Variants in KCNK10 observed in about 807,000 individuals in gnomAD.
The protein encoded by KCNK10 is potassium channel subfamily K member 10.
A neutral mutation model predicts 47.7 loss-of-function variants in KCNK10; 25 were observed. The ratio of observed to expected loss-of-function variants is 0.52; its 90% CI spans 0.38 to 0.73. KCNK10 has a LOEUF of 0.73. KCNK10 is among the 30% of genes least tolerant of loss of function. The probability of loss-of-function intolerance (pLI) is 0.00; values close to 1 mark genes in which losing one functional copy is unlikely to be tolerated. For synonymous variants in KCNK10, 303 were observed against 285.6 expected, an observed-to-expected ratio of 1.06 and a Z score of -0.61; for missense variants, 563 against 714.5, an observed-to-expected ratio of 0.79 and a Z score of 2.42.
At chr14:88,205,015 C>T (rs1885222850) in intron 4 of KCNK10, among the ~76,000 whole-genome samples, 1 of 152,202 alleles carries the variant, frequency 6.6e-6, no homozygotes. Context: ...TTTCCCTAGC[C>T]TAAAAATCCT....
chr14:88,261,628 C>T (rs1335860463), intron 2 of KCNK10, among the ~76,000 whole-genome samples: 1 of 152,002 alleles, frequency 6.6e-6, no homozygotes, highest in African/African-American at 2.4e-5. Context: ...GTGGCACATG[C>T]CTGTAGTCCC....
chr14:88,195,853 A>T (rs1453539524), intron 4 of KCNK10, among the ~76,000 whole-genome samples: 1 of 152,146 alleles, frequency 6.6e-6, no homozygotes, highest in African/African-American at 2.4e-5. Context: ...TCCCTGCCAC[A>T]TCCCCCTGCC....
chr14:88,326,850 A>AC (rs919381627), upstream of KCNK10: 1 of 209,894 alleles, frequency 4.8e-6, no homozygotes, highest in African/African-American at 2.4e-5. Flanking sequence ...TGGCTCCCTT[A>AC]CCCCCTCCCC....
chr14:88,227,001 G>C (rs1886007521), intron 4 of KCNK10, among the ~76,000 whole-genome samples: 1 of 152,132 alleles, frequency 6.6e-6, no homozygotes, highest in South Asian at 2.1e-4. Context: ...ACGGAGTAAG[G>C]GAGTTCCAAC....
chr14:88,266,191 G>C (rs1474430947), intron 1 of KCNK10, among the ~76,000 whole-genome samples: 1 of 152,186 alleles, frequency 6.6e-6, no homozygotes, highest in African/African-American at 2.4e-5. Flanking sequence ...AGTGAATAAA[G>C]GGTGGAAGGA....
chr14:88,243,305 A>C (rs963630825), intron 2 of KCNK10, among the ~76,000 whole-genome samples: 1 of 152,202 alleles, frequency 6.6e-6, no homozygotes, highest in East Asian at 1.9e-4. Context: ...AACTTGCAAG[A>C]AAGTAGTATT....
intron 5 of KCNK10, among the ~76,000 whole-genome samples, chr14:88,188,820 C>T (rs1884653598): frequency 6.6e-6 from 1 of 152,236 alleles, no homozygotes; most frequent in South Asian, 2.1e-4. Context: ...TGCCTGATTG[C>T]ATTGACTGGC....
chr14:88,271,986 T>C (rs1452680519), intron 1 of KCNK10, among the ~76,000 whole-genome samples: 1 of 149,966 alleles, frequency 6.7e-6, no homozygotes, highest in East Asian at 2.0e-4. Flanking sequence ...AGAACAAGGT[T>C]ATCAGGGTTA....
chr14:88,241,117 T>G (rs4904437), intron 2 of KCNK10, among the ~76,000 whole-genome samples: 95,130 of 152,192 alleles, frequency 0.63, 30,281 homozygotes, highest in East Asian at 0.76. Flanking sequence ...GTTACAAGTT[T>G]CTGTGCATAT....
chr14:88,210,456 G>A (rs1041979833), intron 4 of KCNK10, among the ~76,000 whole-genome samples: 2 of 152,246 alleles, frequency 1.3e-5, no homozygotes, highest in African/African-American at 4.8e-5. Context: ...AACAGCCACA[G>A]TGAAGAACAG....
At chr14:88,321,119 T>C (rs1360274099) in intron 1 of KCNK10, among the ~76,000 whole-genome samples, 1 of 152,216 alleles carries the variant, frequency 6.6e-6, no homozygotes, top group African/African-American at 2.4e-5. Flanking sequence ...GCAATACCTC[T>C]TCACTCACTC....
intron 1 of KCNK10, among the ~76,000 whole-genome samples, chr14:88,283,546 A>G (rs1301788955): frequency 6.6e-6 from 1 of 152,272 alleles, no homozygotes; most frequent in Non-Finnish European, 1.5e-5. Context: ...GGGTTTCAAA[A>G]GTTTACATTT....
At chr14:88,214,875 T>A (rs947041751) in intron 4 of KCNK10, among the ~76,000 whole-genome samples, 1 of 152,140 alleles carries the variant, frequency 6.6e-6, no homozygotes, top group Non-Finnish European at 1.5e-5. Flanking sequence ...TACTAAACCT[T>A]TTGTGAAGGC....
chr14:88,219,614 A>G (rs183691259), intron 4 of KCNK10, among the ~76,000 whole-genome samples: 2 of 152,310 alleles, frequency 1.3e-5, no homozygotes, highest in African/African-American at 2.4e-5. Flanking sequence ...ATTGACATCT[A>G]TGTGAGACGT....
At chr14:88,206,468 C>T (rs529341893) in intron 4 of KCNK10, among the ~76,000 whole-genome samples, 5 of 152,338 alleles carry the variant, frequency 3.3e-5, no homozygotes, top group African/African-American at 1.2e-4. Flanking sequence ...TGAAGACACA[C>T]ACACAAATTG....
chr14:88,225,824 C>A (rs190951329), intron 4 of KCNK10, among the ~76,000 whole-genome samples: 13 of 152,196 alleles, frequency 8.5e-5, no homozygotes, highest in African/African-American at 3.1e-4. Flanking sequence ...CAAAAGAGTT[C>A]TTGGAGACAG....
intron 4 of KCNK10, among the ~76,000 whole-genome samples, chr14:88,200,061 T>G (rs1202063250): frequency 6.6e-6 from 1 of 151,858 alleles, no homozygotes; most frequent in Admixed American, 6.6e-5. Context: ...TCTTCTTTTC[T>G]TTCTTTCTTC....
intron 4 of KCNK10, among the ~76,000 whole-genome samples, chr14:88,211,480 A>G: frequency 6.6e-6 from 1 of 152,196 alleles, no homozygotes; most frequent in East Asian, 1.9e-4. Flanking sequence ...TGAACTGTAC[A>G]CTTAAAAACA....
At chr14:88,211,098 C>T (rs545190578) in intron 4 of KCNK10, among the ~76,000 whole-genome samples, 2 of 152,100 alleles carry the variant, frequency 1.3e-5, no homozygotes, top group African/African-American at 2.4e-5. Context: ...AAAGTGGAAA[C>T]AGCCCAAAAG....
Sources: gnomAD v4.1 joint callset for allele counts (sites outside exome capture counted in the v4.1 genomes callset) on GRCh38, gnomAD v4.1.1 for gene constraint, MANE v1.5 for transcripts, NCBI Gene and HGNC (gene_info 2026-07-23, HGNC 2026-07-21) for gene names.